The following THSD7B variants were observed in gnomAD, a reference collection of about 807,000 sequenced individuals.
THSD7B encodes the protein thrombospondin type-1 domain-containing protein 7B.
In THSD7B, 138 loss-of-function variants were observed where a neutral mutation model predicts 213.6. That is an observed-to-expected ratio of 0.65 (90% confidence interval 0.56 to 0.74). The LOEUF is 0.74. THSD7B is among the 30% of genes least tolerant of loss of function. The probability of loss-of-function intolerance (pLI) is 0.00; values close to 1 mark genes in which losing one functional copy is unlikely to be tolerated. For missense variants in THSD7B, 1,931 were observed against 1,991.5 expected (o/e 0.97, Z 0.58); for synonymous variants, 742 against 687.0 (o/e 1.08, Z -1.25).
rs559064568 is a variant in THSD7B, at chr2:136,915,879, A to G, written c.139+33562A>G. ...AAAGGAGATATCTTCTCAACCTGAC[A>G]GTACATTTTCAGGTCTATAAGTTTC... is the stretch of plus-strand genomic sequence containing the variant. On this transcript the variant is annotated intron_variant, in intron 2 of 27. Transcript: ENST00000409968. Among the ~76,000 whole-genome samples the G allele has an allele frequency of 2.0e-5, 3 of 152,368 alleles. No homozygotes were observed. The South Asian group carries it at 6.2e-4, about 32-fold the overall frequency.
intron 12 of THSD7B, among the ~76,000 whole-genome samples, chr2:137,282,592 G>C (rs550240611): frequency 6.6e-6 from 1 of 152,236 alleles, no homozygotes; most frequent in South Asian, 2.1e-4. Context: ...TAAGGTGTAA[G>C]GAAGGGATCC....
intron 15 of THSD7B, among the ~76,000 whole-genome samples, chr2:137,533,011 A>C (rs148726865): frequency 1.4e-4 from 21 of 151,166 alleles, no homozygotes; most frequent in African/African-American, 4.8e-4. Context: ...TCTATGTAAT[A>C]TTCCTTATGT....
At chr2:137,238,978 A>AT (rs1681840426) in intron 9 of THSD7B, among the ~76,000 whole-genome samples, 4 of 152,106 alleles carry the variant, frequency 2.6e-5, no homozygotes, top group African/African-American at 9.7e-5. Flanking sequence ...TGAATTAGCA[A>AT]TTTTTTCTGG....
At chr2:137,300,282 A>G (rs981493433) in intron 12 of THSD7B, among the ~76,000 whole-genome samples, 1 of 152,178 alleles carries the variant, frequency 6.6e-6, no homozygotes, top group East Asian at 1.9e-4. Context: ...TATTATAGCA[A>G]TATTTTTTAA....
chr2:136,894,548 T>G (rs1320733410), intron 2 of THSD7B, among the ~76,000 whole-genome samples: 1 of 152,210 alleles, frequency 6.6e-6, no homozygotes, highest in Non-Finnish European at 1.5e-5. Context: ...TATTCTATGT[T>G]ACATACTGAA....
intron 15 of THSD7B, among the ~76,000 whole-genome samples, chr2:137,506,014 A>G (rs1679825683): frequency 6.6e-6 from 1 of 152,156 alleles, no homozygotes; most frequent in Non-Finnish European, 1.5e-5. Context: ...TAAAGGAGGT[A>G]GTTGAGGTGT....
chr2:137,342,598 A>T (rs961906659), intron 12 of THSD7B, among the ~76,000 whole-genome samples: 14 of 151,560 alleles, frequency 9.2e-5, no homozygotes, highest in African/African-American at 3.1e-4. Flanking sequence ...CTAAATCTTG[A>T]GGTAAGGTTT....
intron 3 of THSD7B, among the ~76,000 whole-genome samples, chr2:137,082,782 A>G (rs945035532): frequency 2.6e-5 from 4 of 152,142 alleles, no homozygotes; most frequent in Non-Finnish European, 5.9e-5. Flanking sequence ...CTGTCTAAGA[A>G]ATTTGGAGAA....
chr2:137,512,471 C>T (rs546113341), intron 15 of THSD7B, among the ~76,000 whole-genome samples: 13 of 147,954 alleles, frequency 8.8e-5, no homozygotes, highest in Middle Eastern at 3.4e-3. Flanking sequence ...AGCTCACTGC[C>T]GCCTTGACCT....
At chr2:137,413,400 T>C (rs1468538641) in intron 14 of THSD7B, among the ~76,000 whole-genome samples, 4 of 152,222 alleles carry the variant, frequency 2.6e-5, no homozygotes, top group Admixed American at 6.5e-5. Flanking sequence ...TTGTGGAGTT[T>C]ACTGTCCAGA....
At chr2:137,105,211 G>A (rs1688224335) in intron 4 of THSD7B, among the ~76,000 whole-genome samples, 1 of 152,142 alleles carries the variant, frequency 6.6e-6, no homozygotes, top group Non-Finnish European at 1.5e-5. Flanking sequence ...TATTCACCAT[G>A]ATCAAGTCAG....
At chr2:137,636,603 T>C (rs926971660) in intron 20 of THSD7B, among the ~76,000 whole-genome samples, 2 of 152,346 alleles carry the variant, frequency 1.3e-5, no homozygotes, top group Admixed American at 1.3e-4. Context: ...TTTAAAATAA[T>C]TTAATTCCCA....
intron 22 of THSD7B, among the ~76,000 whole-genome samples, chr2:137,656,428 T>G (rs1459997450): frequency 2.0e-5 from 3 of 152,138 alleles, no homozygotes; most frequent in African/African-American, 7.2e-5. Context: ...TTATATGGTT[T>G]CTATGAACAT....
chr2:136,987,165 T>G (rs1002450383), intron 2 of THSD7B, among the ~76,000 whole-genome samples: 5 of 152,230 alleles, frequency 3.3e-5, no homozygotes, highest in Non-Finnish European at 7.3e-5. Flanking sequence ...TATCTAGGTC[T>G]GTCTCAGCTG....
At position 137,450,850 on chromosome 2, in the gene THSD7B, A is replaced by G; in HGVS notation, c.2965A>G (p.Ile989Val). The change falls in exon 15 of 28, where the codon ATT becomes GTT. Residue 989 changes from isoleucine (I) to valine (V), a missense_variant. Physicochemically the swap from Ile to Val is conservative, Grantham distance 29 (BLOSUM62 3). Transcript: ENST00000409968. ...DPSFCSSSGYIQEKCVIPCPF... is the reference protein window; with the variant it reads ...DPSFCSSSGYVQEKCVIPCPF... ...CTTAAATCTTTTTCTGTCAGGTTAC[A>G]TTCAAGAAAAATGTGTCATTCCCTG... 6.2e-7 allele frequency: 1 copy of G among 1,603,318 alleles called. No individual in the cohort carries two copies. The highest frequency in any genetic ancestry group is 8.5e-7 in the Non-Finnish European group (1 of 1,175,560).
At chr2:137,646,975 T>G (rs1234443455) in intron 21 of THSD7B, among the ~76,000 whole-genome samples, 1 of 152,164 alleles carries the variant, frequency 6.6e-6, no homozygotes, top group East Asian at 1.9e-4. Context: ...GAGTCACAAC[T>G]TCTCTATGTT....
intron 12 of THSD7B, among the ~76,000 whole-genome samples, chr2:137,397,244 A>T (rs1686216653): frequency 6.6e-6 from 1 of 151,976 alleles, no homozygotes; most frequent in African/African-American, 2.4e-5. Context: ...TAGTTGATGC[A>T]GTTTCTTCCT....
chr2:137,055,938 G>C (rs1046061471), intron 2 of THSD7B, among the ~76,000 whole-genome samples: 1 of 152,172 alleles, frequency 6.6e-6, no homozygotes, highest in African/African-American at 2.4e-5. Flanking sequence ...TGAGCTGAAA[G>C]ACTGGAAATA....
rs1682500647 is a variant in THSD7B, at chr2:137,620,610, A to G, written c.3683A>G (p.His1228Arg). The stretch of plus-strand genomic sequence containing the variant: ...GTTGTGTTTCATTTCCATTTGCAGC[A>G]TAATTTGGAGAAGCCCCAGAGAATG... The part of the protein sequence containing the change: ...KPVSMDQCEQ[H>R]NLEKPQRMSI... Residue 1228 changes from histidine to arginine, a missense_variant and splice_region_variant, in exon 20 of 28, where the codon CAT becomes CGT. His to Arg is a conservative substitution (Grantham distance 29, BLOSUM62 0). Transcript: ENST00000409968. 2 of 1,611,584 alleles carry G rather than the reference A, an allele frequency of 1.2e-6. No individual in the cohort carries two copies. The highest frequency in any genetic ancestry group is 1.1e-5 in the South Asian group (1 of 90,926).
Sources: allele counts gnomAD v4.1 joint callset (sites outside exome capture counted in the v4.1 genomes callset), GRCh38; gene constraint gnomAD v4.1.1; transcripts MANE v1.5; gene names NCBI Gene and HGNC (gene_info 2026-07-23, HGNC 2026-07-21).